PLA2G6: variants seen among roughly 807,000 people sequenced by gnomAD.
The protein encoded by PLA2G6 is phospholipase A2 group VI.
In PLA2G6, 62 loss-of-function variants were observed where a neutral mutation model predicts 83.8. The ratio of observed to expected loss-of-function variants is 0.74; its 90% CI spans 0.60 to 0.91. The LOEUF (loss-of-function observed/expected upper bound fraction) is 0.91. Ranked by LOEUF, PLA2G6 falls within the 40% of genes least tolerant of loss-of-function variation. The pLI, the probability that PLA2G6 is intolerant of heterozygous loss-of-function variation, is 0.00. For missense variants in PLA2G6, 944 were observed against 1,102.0 expected (o/e 0.86, Z 2.03); for synonymous variants, 417 against 449.8 (o/e 0.93, Z 0.92).
intron 5 of PLA2G6, chr22:38,135,528 G>A (rs867435302): frequency 3.9e-4 from 75 of 192,574 alleles, no homozygotes; most frequent in African/African-American, 1.7e-3. Flanking sequence ...ACAGTGACCT[G>A]CATGCTATAG....
At chr22:38,113,932 C>T in intron 14 of PLA2G6, 1 of 539,260 alleles carries the variant, frequency 1.9e-6, no homozygotes, top group Non-Finnish European at 3.5e-6. Context: ...TCCCGCCCAC[C>T]CCATCTGATG....
In PLA2G6 at chr22:38,143,259, C is replaced by G. The variant is rs1252028585; in HGVS notation, c.455G>C (p.Gly152Ala). The G allele has an allele frequency of 1.2e-6, 2 of 1,613,546 alleles. No individual in the cohort carries two copies. Among genetic ancestry groups the G allele is most frequent in the Non-Finnish European group, 1.7e-6 (2 of 1,180,046 alleles). Residue 152 changes from glycine (G) to alanine (A), a missense_variant, in exon 4 of 17, where the codon GGC becomes GCC. Physicochemically the swap from Gly to Ala is moderately conservative, Grantham distance 60. Coordinates refer to ENST00000332509, the MANE Select transcript of PLA2G6 (RefSeq NM_003560.4). ...SCANCAENEE[G>A]CTPLHLACRK... ...GCAGGCCAGGTGCAGGGGTGTGCAG[C>G]CCTCCTCGTTCTCCGCGCAATTGGC...
chr22:38,159,854 A>G (rs756729557), intron 2 of PLA2G6, among the ~76,000 whole-genome samples: 4 of 152,238 alleles, frequency 2.6e-5, no homozygotes, highest in Admixed American at 6.5e-5. Flanking sequence ...AGACACAAAA[A>G]GTACACCGTA....
At chr22:38,148,425 G>T in intron 2 of PLA2G6, 1 of 703,922 alleles carries the variant, frequency 1.4e-6, no homozygotes, top group South Asian at 1.5e-5. Flanking sequence ...AGCCAGAAAT[G>T]CTGGACAAAT....
intron 12 of PLA2G6, among the ~76,000 whole-genome samples, chr22:38,118,035 C>CA (rs200489859): frequency 2.7e-3 from 296 of 109,758 alleles, no homozygotes; most frequent in African/African-American, 5.0e-3. Flanking sequence ...GACTCCATCT[C>CA]AAAAAAAAAA....
intron 1 of PLA2G6, chr22:38,180,412 C>G (rs1354799736): frequency 6.6e-6 from 1 of 152,218 alleles, no homozygotes; most frequent in East Asian, 1.9e-4. Flanking sequence ...CATGCGCCCT[C>G]TTTTTCTCAT....
intron 4 of PLA2G6, chr22:38,142,803 G>A: frequency 2.3e-6 from 1 of 437,186 alleles, no homozygotes; most frequent in East Asian, 4.9e-5. Context: ...CACAGTTTGT[G>A]CTCAGGAAAA....
chr22:38,116,417 G>A (rs568821923), intron 12 of PLA2G6: 10 of 722,900 alleles, frequency 1.4e-5, no homozygotes, highest in Non-Finnish European at 2.0e-5. Flanking sequence ...CAACCTTGGG[G>A]GCACAATTCA....
At chr22:38,134,955 C>CG in intron 6 of PLA2G6, 33 bp downstream of exon 6, 2 of 1,348,948 alleles carry the variant, frequency 1.5e-6, no homozygotes, top group Non-Finnish European at 2.1e-6. Context: ...GCCCGGCCCC[C>CG]TGCCCCACCC....
chr22:38,137,052 G>C (rs967827774), intron 5 of PLA2G6: 3 of 152,174 alleles, frequency 2.0e-5, no homozygotes, highest in Non-Finnish European at 4.4e-5. Flanking sequence ...GCTTTAGAGG[G>C]GGAATAAAAT....
At chr22:38,145,965 C>G (rs1238811703) in intron 2 of PLA2G6, 1 of 383,338 alleles carries the variant, frequency 2.6e-6, no homozygotes. Flanking sequence ...CTTCGAATTC[C>G]TGGGCTGAAG....
intron 2 of PLA2G6, among the ~76,000 whole-genome samples, chr22:38,152,326 G>A (rs1364220470): frequency 1.3e-5 from 2 of 152,042 alleles, no homozygotes; most frequent in South Asian, 2.1e-4. Context: ...TCAGCCTCCC[G>A]AGTAGCTAGG....
chr22:38,120,083 A>C (rs544620382), intron 12 of PLA2G6, among the ~76,000 whole-genome samples: 24 of 152,134 alleles, frequency 1.6e-4, no homozygotes, highest in Non-Finnish European at 3.2e-4. Flanking sequence ...AATATGAAAA[A>C]ATCACTCAGA....
intron 5 of PLA2G6, 181 bp from the exon 6 acceptor site, chr22:38,135,265 A>G: frequency 1.7e-6 from 1 of 601,234 alleles, no homozygotes; most frequent in Admixed American, 2.5e-5. Flanking sequence ...AGGCACAACT[A>G]ACCCCCTCCT....
chr22:38,132,857 T>C lies in PLA2G6; in HGVS notation c.1051A>G (p.Asn351Asp). ...ANADARGEHG[N>D]TPLHLAMSKD... is the part of the protein sequence containing the mutation. ...GACATGGCCAGGTGCAGCGGGGTGT[T>C]GCCGTGCTCTCCGCGGGCATCCGCG... Residue 351 changes from asparagine (N) to aspartate (D), a missense_variant, in exon 7 of 17, where the codon AAC becomes GAC. Asn to Asp is a conservative substitution (Grantham distance 23, BLOSUM62 1). Transcript: ENST00000332509. The surrounding 1 kb of genome is among the most constrained non-coding windows in gnomAD (Gnocchi z 5.0). 1 of 1,550,800 alleles carries C rather than the reference T, an allele frequency of 6.4e-7. No individual in the cohort carries two copies. The highest frequency in any genetic ancestry group is 8.7e-7 in the Non-Finnish European group (1 of 1,148,834).
intron 3 of PLA2G6, chr22:38,143,537 G>C: frequency 1.7e-6 from 1 of 600,116 alleles, no homozygotes; most frequent in Non-Finnish European, 3.1e-6. Context: ...ACACCAGCAG[G>C]AAGTGGGCAG....
intron 7 of PLA2G6, among the ~76,000 whole-genome samples, 177 bp from the exon 8 acceptor site, chr22:38,129,739 A>G (rs1220619100): frequency 6.6e-6 from 1 of 152,200 alleles, no homozygotes; most frequent in Non-Finnish European, 1.5e-5. Context: ...AAAGTCTGCC[A>G]TTTGATGGCT....
chr22:38,118,434 T>G (rs2087334917), intron 12 of PLA2G6, among the ~76,000 whole-genome samples: 1 of 152,266 alleles, frequency 6.6e-6, no homozygotes, highest in Admixed American at 6.5e-5. Context: ...CTGTTGGGCC[T>G]GGTACAGAAT....
intron 12 of PLA2G6, among the ~76,000 whole-genome samples, chr22:38,117,847 CCAA>C (rs2087296577): frequency 6.6e-6 from 1 of 151,810 alleles, no homozygotes; most frequent in South Asian, 2.1e-4. Flanking sequence ...ACTGGCCTGG[CCAA>C]CATGGTGAAA....
Sources: gnomAD v4.1 joint callset for allele counts (sites outside exome capture counted in the v4.1 genomes callset) on GRCh38, gnomAD v4.1.1 for gene constraint, Gnocchi (gnomAD v3.1) non-coding constraint, MANE v1.5 for transcripts, NCBI Gene and HGNC (gene_info 2026-07-23, HGNC 2026-07-21) for gene names.